SSPN: variants seen among roughly 807,000 people sequenced by gnomAD.
SSPN encodes sarcospan.
SSPN carries 15 observed loss-of-function variants against 19.1 expected under a neutral mutation model. That is an observed-to-expected ratio of 0.78 (90% confidence interval 0.52 to 1.21). The LOEUF (loss-of-function observed/expected upper bound fraction) is 1.21, where lower values mean the gene tolerates loss of function less well. SSPN is among the 50% of genes most tolerant of loss of function. The pLI, the probability that SSPN is intolerant of heterozygous loss-of-function variation, is 0.00. For synonymous variants in SSPN, 147 were observed against 140.3 expected (o/e 1.05, Z -0.34); for missense variants, 291 against 314.0 (o/e 0.93, Z 0.55).
intron 1 of SSPN, among the ~76,000 whole-genome samples, chr12:26,150,646 C>G (rs1299677026): frequency 1.5e-5 from 2 of 135,294 alleles, no homozygotes; most frequent in Admixed American, 1.4e-4. Context: ...AATGTATTCA[C>G]TTACTAAAAA....
intron 1 of SSPN, chr12:26,124,157 C>A: frequency 6.2e-7 from 1 of 1,609,908 alleles, no homozygotes; most frequent in East Asian, 2.2e-5. Context: ...TTCTATTAAT[C>A]TGTGCGGTAA....
chr12:26,216,841 C>G (rs1945057174), intron 1 of SSPN, among the ~76,000 whole-genome samples: 1 of 114,888 alleles, frequency 8.7e-6, no homozygotes, highest in Non-Finnish European at 1.8e-5. Context: ...AATCCTTTCC[C>G]CATTGCTTGT....
At chr12:26,131,555 C>A (rs1944397564) in intron 1 of SSPN, among the ~76,000 whole-genome samples, 4 of 152,158 alleles carry the variant, frequency 2.6e-5, no homozygotes, top group Admixed American at 1.3e-4. Flanking sequence ...ATGTAGCATA[C>A]AATTGCTTTA....
At position 26,231,195 on chromosome 12, in the gene SSPN, T is replaced by G. The variant is rs1390522580; in HGVS notation, c.*119T>G. 7.7e-7 allele frequency: 1 copy of G among 1,292,916 alleles called. No individual in the cohort carries two copies. The highest frequency in any genetic ancestry group is 1.5e-5 in the African/African-American group (1 of 66,850). The allele number at this position is 1,292,916 out of a possible 1,614,324, so 80.1% of individuals were successfully genotyped here. A position where few individuals can be genotyped will look rare whatever the true frequency, so the allele number is the denominator to read the frequency against. On this transcript the variant is annotated 3_prime_UTR_variant, in exon 3 of 3. Transcript: ENST00000242729. ...TGACAATAAAAGTCACTCTTCTAAT[T>G]GAATATTTTTATATTTTTATGAAAC...
At chr12:26,206,119 C>T (rs1369897877) in intron 1 of SSPN, among the ~76,000 whole-genome samples, 1 of 152,174 alleles carries the variant, frequency 6.6e-6, no homozygotes, top group Non-Finnish European at 1.5e-5. Context: ...AAGCTTTGCT[C>T]CCCTTCTCTC....
At chr12:26,219,818 T>G (rs73090814) in intron 1 of SSPN, among the ~76,000 whole-genome samples, 9,840 of 152,274 alleles carry the variant, frequency 0.065, 358 homozygotes, top group Middle Eastern at 0.11. Context: ...GCCACACACG[T>G]GCCATTTGCC....
intron 1 of SSPN, among the ~76,000 whole-genome samples, chr12:26,205,122 T>G (rs1944919968): frequency 6.6e-6 from 1 of 152,144 alleles, no homozygotes; most frequent in African/African-American, 2.4e-5. Context: ...GCTGAAGAAG[T>G]TCTGTTGGAC....
Position 26,232,066 on chromosome 12 carries a change from A to AT in SSPN, c.*993dup, listed in dbSNP as rs1945240344. 2 of 985,314 alleles carry AT rather than the reference A, an allele frequency of 2.0e-6. No individual in the cohort carries two copies. Among genetic ancestry groups the AT allele is most frequent in the African/African-American group, 3.5e-5 (2 of 57,246 alleles). The allele number at this position is 985,314 out of a possible 1,614,324, so 61.0% of individuals were successfully genotyped here. On this transcript the variant is annotated 3_prime_UTR_variant, in exon 3 of 3. Coordinates refer to ENST00000242729, the MANE Select transcript of SSPN (RefSeq NM_005086.5). ...CACCCATTTAAACAAAAACAAGAGCATTTGTAATAGGAAGTGTTTATACAA... is the reference window on the plus strand; with the variant it reads ...CACCCATTTAAACAAAAACAAGAGCATTTTGTAATAGGAAGTGTTTATACAA...
At chr12:26,142,841 C>T (rs1459132766) in intron 1 of SSPN, among the ~76,000 whole-genome samples, 1 of 152,168 alleles carries the variant, frequency 6.6e-6, no homozygotes, top group Non-Finnish European at 1.5e-5. Flanking sequence ...AAAGAATGTG[C>T]TGTCATCTAC....
At chr12:26,225,574 G>T (rs959871085) in intron 2 of SSPN, among the ~76,000 whole-genome samples, 1 of 152,054 alleles carries the variant, frequency 6.6e-6, no homozygotes, top group Admixed American at 6.5e-5. Context: ...ACAGTTAATA[G>T]ATACTACTTT....
chr12:26,210,246 T>G (rs1042528865), intron 1 of SSPN, among the ~76,000 whole-genome samples: 6 of 152,102 alleles, frequency 3.9e-5, no homozygotes, highest in Middle Eastern at 3.2e-3. Context: ...TTATATCATT[T>G]TATTTATAAA....
chr12:26,133,567 G>T lies in SSPN; in HGVS notation c.-31+11415G>T, dbSNP rs1944408357. Among the ~76,000 whole-genome samples, 6 of 152,104 alleles carry T rather than the reference G, an allele frequency of 3.9e-5. No homozygotes were observed. In the South Asian group the frequency reaches 1.2e-3, roughly 32 times the overall value. On this transcript the variant is annotated intron_variant, in intron 1 of 2. Transcript: ENST00000538142. ...TAATCATAAACTTTGGAAAGGCTGG[G>T]ATTATCAGTTTTGGGAAAAACTGTT...
chr12:26,162,194 TC>T (rs1351104774), intron 1 of SSPN, among the ~76,000 whole-genome samples: 2 of 152,226 alleles, frequency 1.3e-5, no homozygotes, highest in Admixed American at 6.5e-5. Context: ...TCGAATTTGA[TC>T]ATTTTATATG....
intron 1 of SSPN, among the ~76,000 whole-genome samples, chr12:26,198,848 A>G (rs1421375867): frequency 2.0e-5 from 3 of 152,196 alleles, no homozygotes; most frequent in Non-Finnish European, 4.4e-5. Context: ...GCAGTGATTC[A>G]GGGCTGGTAT....
intron 2 of SSPN, among the ~76,000 whole-genome samples, chr12:26,227,669 C>A (rs569045040): frequency 6.6e-6 from 1 of 152,338 alleles, no homozygotes; most frequent in African/African-American, 2.4e-5. Context: ...TAAATAGGCT[C>A]CTGTATACCA....
intron 2 of SSPN, among the ~76,000 whole-genome samples, chr12:26,226,706 G>A (rs902647919): frequency 1.3e-5 from 2 of 152,118 alleles, no homozygotes; most frequent in Non-Finnish European, 2.9e-5. Flanking sequence ...TCCCCTGGAG[G>A]TTCGGAAACG....
intron 1 of SSPN, among the ~76,000 whole-genome samples, chr12:26,130,527 C>T (rs1944391659): frequency 6.6e-6 from 1 of 152,164 alleles, no homozygotes; most frequent in African/African-American, 2.4e-5. Flanking sequence ...TATTTAATAG[C>T]TAAAGCGAAA....
chr12:26,166,126 T>C (rs752611093), intron 1 of SSPN, among the ~76,000 whole-genome samples: 3 of 151,950 alleles, frequency 2.0e-5, no homozygotes, highest in East Asian at 1.9e-4. Flanking sequence ...CTGTCAGGGA[T>C]TGGGGAGCTA....
intron 1 of SSPN, chr12:26,124,593 G>A (rs561252927): frequency 1.2e-6 from 2 of 1,614,162 alleles, no homozygotes; most frequent in East Asian, 2.2e-5. Flanking sequence ...CTGCAAAACA[G>A]AAATCAGCAT....
Sources: gnomAD v4.1 joint callset for allele counts (sites outside exome capture counted in the v4.1 genomes callset) on GRCh38, gnomAD v4.1.1 for gene constraint, MANE v1.5 for transcripts, NCBI Gene and HGNC (gene_info 2026-07-23, HGNC 2026-07-21) for gene names.